The following PRELID2 variants were observed in gnomAD, a reference collection of about 807,000 sequenced individuals.
PRELID2 encodes the protein PRELI domain containing 2, also known as PRELI domain-containing protein 2.
In PRELID2, 25 loss-of-function variants were observed where a neutral mutation model predicts 28.4. That is an observed-to-expected ratio of 0.88 (90% CI 0.64 to 1.23). The LOEUF is 1.23. Among genes scored for constraint, PRELID2 ranks in the 50% most tolerant of loss-of-function variants. The probability of loss-of-function intolerance (pLI) is 0.00; values close to 1 mark genes in which losing one functional copy is unlikely to be tolerated. For missense variants in PRELID2, 201 were observed against 214.4 expected (o/e 0.94, Z 0.39); for synonymous variants, 76 against 71.6 (o/e 1.06, Z -0.31).
rs117363084 is a variant in PRELID2 at position 145,511,441 on chromosome 5, G to A, written n.71-38126C>T. 5.2e-4 allele frequency among the ~76,000 whole-genome samples: 79 copies of A among 152,292 alleles called. No homozygotes were observed. The East Asian group carries it at 9.9e-3, about 19-fold the overall frequency. On this transcript the variant is annotated intron_variant and non_coding_transcript_variant, in intron 1 of 2. Coordinates refer to the PRELID2 transcript ENST00000510259. ...GAGAGCACTCTTAAATACCTTCTTC[G>A]TGACTGAAAAGCTAATGTATTCACC...
At position 145,541,320 on chromosome 5, in the gene PRELID2, G is replaced by A. The variant is rs557910903; in HGVS notation, n.71-68005C>T. The stretch of plus-strand genomic sequence containing the variant: ...AGTTGAAAATATATTTTGTGGACTA[G>A]CTCACTTAATCCTTATAGCAACATT... On this transcript the variant is annotated intron_variant and non_coding_transcript_variant, in intron 1 of 2. Transcript: ENST00000510259. 4.6e-5 allele frequency among the ~76,000 whole-genome samples: 7 copies of A among 152,128 alleles called. No individual in the cohort carries two copies. In the South Asian group the frequency reaches 1.4e-3, roughly 31 times the overall value.
intron 1 of PRELID2, among the ~76,000 whole-genome samples, chr5:145,645,504 C>T (rs899448204): frequency 3.9e-5 from 6 of 151,922 alleles, no homozygotes; most frequent in African/African-American, 1.5e-4. Flanking sequence ...CAGTCTGTGT[C>T]TTTTAATTGG....
chr5:145,755,934 T>C (rs539248108), downstream of PRELID2, among the ~76,000 whole-genome samples: 1 of 151,986 alleles, frequency 6.6e-6, no homozygotes, highest in African/African-American at 2.4e-5. Context: ...TCAAGTAAAA[T>C]GAGGACAAAT....
At chr5:145,229,379 A>G in the PRELID2 span, 1 of 744,186 alleles carries the variant, frequency 1.3e-6, no homozygotes, top group Non-Finnish European at 2.5e-6. Flanking sequence ...CCTCATGCAC[A>G]TCAGCTACAA....
intron 1 of PRELID2, among the ~76,000 whole-genome samples, chr5:145,522,476 A>G (rs935523782): frequency 6.6e-6 from 1 of 152,124 alleles, no homozygotes; most frequent in East Asian, 1.9e-4. Flanking sequence ...AGAGAGGCAC[A>G]GAGAGACAGA....
At chr5:145,671,982 T>G (rs1243038957) in intron 1 of PRELID2, among the ~76,000 whole-genome samples, 2 of 152,122 alleles carry the variant, frequency 1.3e-5, no homozygotes, top group African/African-American at 4.8e-5. Flanking sequence ...ATTGCCCAAG[T>G]GCTTTACTTT....
At chr5:145,718,854 G>T (rs997218617) in intron 1 of PRELID2, among the ~76,000 whole-genome samples, 2 of 151,882 alleles carry the variant, frequency 1.3e-5, no homozygotes, top group Non-Finnish European at 2.9e-5. Flanking sequence ...ACATGAAAAG[G>T]GCCACTCTTG....
the PRELID2 span, among the ~76,000 whole-genome samples, chr5:145,289,806 G>A: frequency 1.3e-5 from 2 of 152,116 alleles, no homozygotes; most frequent in East Asian, 1.9e-4. Flanking sequence ...TCTACTACAT[G>A]TATAGTGGCA....
In PRELID2 at chr5:145,519,575, C is replaced by T. The variant is rs78580159; in HGVS notation, n.71-46260G>A. Among the ~76,000 whole-genome samples the T allele has an allele frequency of 7.4e-3, 1,124 of 152,216 alleles. 12 individuals are homozygous for T. Among genetic ancestry groups the T allele is most frequent in the African/African-American group, 0.024 (1,015 of 41,526 alleles). ...CCTATAAAAGCCATACAGTTGCTTC[C>T]GATGAGGCTTTATTAGCCATATTTA... On this transcript the variant is annotated intron_variant and non_coding_transcript_variant, in intron 1 of 2. Coordinates refer to the PRELID2 transcript ENST00000510259.
chr5:145,580,279 G>C (rs1198427433), intron 1 of PRELID2, among the ~76,000 whole-genome samples: 1 of 152,056 alleles, frequency 6.6e-6, no homozygotes, highest in Admixed American at 6.6e-5. Flanking sequence ...GTCAGAAGGA[G>C]AGTTATATGG....
At chr5:145,555,385 C>A (rs919493972) in intron 1 of PRELID2, among the ~76,000 whole-genome samples, 1 of 152,220 alleles carries the variant, frequency 6.6e-6, no homozygotes, top group Non-Finnish European at 1.5e-5. Context: ...AGTGACTCAA[C>A]AAGGACAGAG....
At chr5:145,609,119 G>C (rs1449016997) in intron 1 of PRELID2, among the ~76,000 whole-genome samples, 1 of 152,004 alleles carries the variant, frequency 6.6e-6, no homozygotes, top group Non-Finnish European at 1.5e-5. Context: ...AGTTCATTTT[G>C]GTTCTTTCCT....
chr5:145,740,963 G>A (rs1242999231), intron 1 of PRELID2, among the ~76,000 whole-genome samples: 9 of 60,548 alleles, frequency 1.5e-4, no homozygotes, highest in East Asian at 4.7e-4. Flanking sequence ...TATAAATAAA[G>A]TATATATTAT....
the PRELID2 span, among the ~76,000 whole-genome samples, chr5:145,351,275 G>A: frequency 3.9e-5 from 6 of 152,160 alleles, no homozygotes; most frequent in Non-Finnish European, 8.8e-5. Flanking sequence ...ATAGAGGAAA[G>A]AGGTTTAATT....
At chr5:145,243,156 A>T in the PRELID2 span, among the ~76,000 whole-genome samples, 201 of 152,208 alleles carry the variant, frequency 1.3e-3, 4 homozygotes, top group East Asian at 0.031. Context: ...ACTAAAAGAC[A>T]TTTCAACCTG....
intron 4 of PRELID2, among the ~76,000 whole-genome samples, chr5:145,816,549 T>A (rs1260277315): frequency 6.6e-6 from 1 of 152,216 alleles, no homozygotes; most frequent in African/African-American, 2.4e-5. Flanking sequence ...TTTCTAAGTG[T>A]CTTATAGTTT....
intron 1 of PRELID2, among the ~76,000 whole-genome samples, chr5:145,626,860 G>A (rs1039741984): frequency 6.6e-6 from 1 of 152,056 alleles, no homozygotes; most frequent in African/African-American, 2.4e-5. Context: ...AACACTTTGG[G>A]AGGCCAAGGC....
chr5:145,279,902 G>T, the PRELID2 span, among the ~76,000 whole-genome samples: 1 of 151,332 alleles, frequency 6.6e-6, no homozygotes, highest in Admixed American at 6.6e-5. Context: ...ACTTCATCAT[G>T]GATTTTCAAT....
chr5:145,589,457 T>C (rs762746934), intron 1 of PRELID2, among the ~76,000 whole-genome samples: 3 of 151,696 alleles, frequency 2.0e-5, no homozygotes, highest in Admixed American at 6.6e-5. Context: ...CTCGGTAGAA[T>C]TGAATATCAT....
Sources: gnomAD v4.1 joint callset for allele counts (sites outside exome capture counted in the v4.1 genomes callset) on GRCh38, gnomAD v4.1.1 for gene constraint, MANE v1.5 for transcripts, NCBI Gene and HGNC (gene_info 2026-07-23, HGNC 2026-07-21) for gene names.